The following STYXL1 variants were observed in gnomAD, a reference collection of about 807,000 sequenced individuals.
STYXL1 encodes the protein serine/threonine/tyrosine-interacting-like protein 1.
STYXL1 carries 32 observed loss-of-function variants against 36.4 expected under a neutral mutation model. The observed-to-expected ratio is 0.88, with a 90% CI of 0.66 to 1.18. The LOEUF (loss-of-function observed/expected upper bound fraction) is 1.18. Among genes scored for constraint, STYXL1 ranks in the 50% most tolerant of loss-of-function variants. The pLI, the probability that STYXL1 is intolerant of heterozygous loss-of-function variation, is 0.00. For synonymous variants in STYXL1, 133 were observed against 144.1 expected (o/e 0.92, Z 0.55); for missense variants, 354 against 394.1 (o/e 0.90, Z 0.86).
intron 5 of STYXL1, among the ~76,000 whole-genome samples, chr7:76,008,246 G>A (rs1730817159): frequency 7.1e-6 from 1 of 140,998 alleles, no homozygotes; most frequent in African/African-American, 2.6e-5. Context: ...AAGAAGCTCT[G>A]CAGTAGAGAA....
chr7:76,018,102 A>G (rs1793620626), intron 4 of STYXL1, among the ~76,000 whole-genome samples: 1 of 151,998 alleles, frequency 6.6e-6, no homozygotes, highest in African/African-American at 2.4e-5. Flanking sequence ...CCTGGGCTCA[A>G]GCAATCCTCC....
chr7:76,028,855 T>C, intron 2 of STYXL1, 152 bp from the exon 3 acceptor site: 1 of 715,832 alleles, frequency 1.4e-6, no homozygotes, highest in Non-Finnish European at 2.4e-6. Flanking sequence ...CTGGGCGCGG[T>C]GGCATGCACC....
At chr7:76,023,474 G>A (rs555332304) in intron 3 of STYXL1, among the ~76,000 whole-genome samples, 5 of 152,010 alleles carry the variant, frequency 3.3e-5, no homozygotes, top group South Asian at 2.1e-4. Context: ...AATGATCTTC[G>A]CACTTCAGCC....
At chr7:76,032,271 A>G (rs746361289) in intron 1 of STYXL1, among the ~76,000 whole-genome samples, 190 of 152,002 alleles carry the variant, frequency 1.2e-3, no homozygotes, top group Non-Finnish European at 2.3e-3. Flanking sequence ...GTGGTGGCAC[A>G]TGCCTGTGGC....
At chr7:76,033,814 C>T (rs1253393532) in intron 1 of STYXL1, among the ~76,000 whole-genome samples, 2 of 152,162 alleles carry the variant, frequency 1.3e-5, no homozygotes, top group African/African-American at 4.8e-5. Flanking sequence ...TTACCGCCTC[C>T]ACTTCTTCAC....
chr7:76,026,594 T>A (rs1794752818), intron 3 of STYXL1, among the ~76,000 whole-genome samples: 1 of 152,194 alleles, frequency 6.6e-6, no homozygotes. Context: ...AAATTTTAGA[T>A]GTAAACTTGC....
At chr7:76,000,829 C>T (rs1328586704) in intron 8 of STYXL1, 61 bp downstream of exon 8, 25 of 1,472,148 alleles carry the variant, frequency 1.7e-5, no homozygotes, top group African/African-American at 8.3e-5. Context: ...TCCCAGGTTG[C>T]GCTCTGACCT....
At chr7:76,004,176 C>T (rs1791347943) in intron 6 of STYXL1, among the ~76,000 whole-genome samples, 1 of 152,164 alleles carries the variant, frequency 6.6e-6, no homozygotes, top group African/African-American at 2.4e-5. Flanking sequence ...TCACTGCAAC[C>T]TCTACCTCCC....
At chr7:76,013,595 T>C in intron 5 of STYXL1, 147 bp downstream of exon 5, 1 of 1,159,756 alleles carries the variant, frequency 8.6e-7, no homozygotes, top group Non-Finnish European at 1.2e-6. Flanking sequence ...CAGCTAATTT[T>C]TGTGTTTTTA....
chr7:76,029,507 G>C (rs1795092312), intron 2 of STYXL1, among the ~76,000 whole-genome samples: 1 of 152,104 alleles, frequency 6.6e-6, no homozygotes, highest in Non-Finnish European at 1.5e-5. Context: ...CTGGTTTCAT[G>C]GAAGACAATT....
rs921857111 is a variant in STYXL1 at position 75,997,163 on chromosome 7, G to A, written c.811-564C>T. Among the ~76,000 whole-genome samples the A allele has an allele frequency of 2.0e-5, 3 of 151,906 alleles. No individual in the cohort carries two copies. The South Asian group carries it at 6.2e-4, about 31-fold the overall frequency. On this transcript the variant is annotated intron_variant, in intron 8 of 8. Transcript: ENST00000359697. ...ACAGAAGGAAATGGCCAGGCACAGT[G>A]GCTCATGCCTGTAATCCTGGCACTT...
chr7:76,019,009 T>C (rs182041448), intron 4 of STYXL1, among the ~76,000 whole-genome samples: 150 of 152,342 alleles, frequency 9.8e-4, no homozygotes, highest in African/African-American at 3.3e-3. Context: ...CTTTGATTAT[T>C]ACCATCCCAG....
chr7:76,030,005 T>A (rs527587506), intron 2 of STYXL1, among the ~76,000 whole-genome samples: 110 of 152,102 alleles, frequency 7.2e-4, no homozygotes, highest in Non-Finnish European at 1.2e-3. Flanking sequence ...TTTTATTTTT[T>A]TTTTTCTTTT....
intron 8 of STYXL1, 88 bp downstream of exon 8, chr7:76,000,802 T>C: frequency 9.2e-7 from 1 of 1,086,644 alleles, no homozygotes; most frequent in Non-Finnish European, 1.4e-6. Context: ...CCCAAAGCAG[T>C]GCTGGGGCCC....
At chr7:76,000,015 AC>A (rs1790677663) in intron 8 of STYXL1, among the ~76,000 whole-genome samples, 1 of 150,860 alleles carries the variant, frequency 6.6e-6, no homozygotes, top group African/African-American at 2.4e-5. Flanking sequence ...AGATGGTGAA[AC>A]CCTGTCTCTA....
At chr7:76,027,056 C>A (rs1554577921) in intron 3 of STYXL1, among the ~76,000 whole-genome samples, 2 of 151,204 alleles carry the variant, frequency 1.3e-5, no homozygotes, top group Admixed American at 6.6e-5. Context: ...GGGAGAGATT[C>A]TGTCTCAAAA....
chr7:76,000,218 CAAAAAAAAAAAAAAAAA>C (rs35153306), intron 8 of STYXL1, among the ~76,000 whole-genome samples: 2 of 69,464 alleles, frequency 2.9e-5, no homozygotes, highest in African/African-American at 1.1e-4. Flanking sequence ...GACTCCATCT[CAAAAAAAAAAAAAAAAA>C]AAAAAAAAGG....
At chr7:76,046,652 T>A (rs1162047606) in intron 1 of STYXL1, among the ~76,000 whole-genome samples, 1 of 139,764 alleles carries the variant, frequency 7.2e-6, no homozygotes, top group East Asian at 2.2e-4. Context: ...CGGCTTTTTT[T>A]TTTTTTTTTT....
rs199592284 is a variant in STYXL1, at chr7:76,013,707, G to A, written c.453+35C>T. The A allele has an allele frequency of 8.0e-5, 129 of 1,613,288 alleles. 1 individual carries two copies. The highest frequency in any genetic ancestry group is 5.0e-4 in the Middle Eastern group (3 of 6,058). On this transcript the variant is annotated intron_variant, in intron 5 of 8. Transcript: ENST00000359697. ...GTCAGTTTCTAGGCCCATCCTTCCC[G>A]TCTGGGCCTGCCTGTGCTCAGCATT...
Sources: allele counts gnomAD v4.1 joint callset (sites outside exome capture counted in the v4.1 genomes callset), GRCh38; gene constraint gnomAD v4.1.1; transcripts MANE v1.5; gene names NCBI Gene and HGNC (gene_info 2026-07-23, HGNC 2026-07-21).